DOCK10: variants seen among roughly 807,000 people sequenced by gnomAD.
The protein encoded by DOCK10 is dedicator of cytokinesis 10, also known as dedicator of cytokinesis protein 10.
DOCK10 carries 145 observed loss-of-function variants against 280.1 expected under a neutral mutation model. The ratio of observed to expected loss-of-function variants is 0.52; its 90% confidence interval spans 0.45 to 0.59. The LOEUF (loss-of-function observed/expected upper bound fraction) is 0.59, where lower values mean the gene tolerates loss of function less well. Among genes scored for constraint, DOCK10 ranks in the 20% least tolerant of loss-of-function variants. The pLI is 0.00. For missense variants in DOCK10, 2,368 were observed against 2,651.7 expected (o/e 0.89, Z 2.35); for synonymous variants, 915 against 942.2 (o/e 0.97, Z 0.53).
At chr2:224,832,102 C>T (rs891666187) in intron 26 of DOCK10, among the ~76,000 whole-genome samples, 2 of 152,142 alleles carry the variant, frequency 1.3e-5, no homozygotes, top group Non-Finnish European at 2.9e-5. Flanking sequence ...AAGAACGCAC[C>T]CCTTGCATCC....
chr2:224,973,197 A>G (rs1305788129), intron 1 of DOCK10, among the ~76,000 whole-genome samples: 1 of 152,218 alleles, frequency 6.6e-6, no homozygotes, highest in Non-Finnish European at 1.5e-5. Flanking sequence ...GAATTCACTC[A>G]GTGAATCCTT....
At chr2:224,820,531 G>T (rs1694441666) in intron 28 of DOCK10, among the ~76,000 whole-genome samples, 1 of 152,204 alleles carries the variant, frequency 6.6e-6, no homozygotes. Context: ...TCCACAGCTG[G>T]TGTGGAGTGC....
chr2:224,776,914 G>T (rs908794036), intron 51 of DOCK10, among the ~76,000 whole-genome samples: 1 of 152,192 alleles, frequency 6.6e-6, no homozygotes, highest in Non-Finnish European at 1.5e-5. Context: ...CCTGCCCTGA[G>T]CTTTCCTTGT....
Position 224,808,024 on chromosome 2 carries a change from G to A in DOCK10, c.3472C>T (p.Leu1158Phe), listed in dbSNP as rs1364806616. Residue 1158 changes from leucine (L) to phenylalanine (F), a missense_variant, in exon 32 of 56, where the codon CTC (leucine) becomes TTC (phenylalanine). By Grantham distance (22) the Leu-to-Phe change is conservative. Coordinates refer to ENST00000258390, the MANE Select transcript of DOCK10 (RefSeq NM_014689.3). ...CRKHFLIGIL[L>F]REVGFALQED... ...TGCAGGGCAAAGCCAACTTCTCGGA[G>A]CAGAATTCCGATTAAGAAGTGTTTG... 6.2e-7 allele frequency: 1 copy of A among 1,612,762 alleles called. No individual in the cohort carries two copies. The highest frequency in any genetic ancestry group is 1.7e-5 in the Admixed American group (1 of 59,816).
At chr2:224,863,508 A>C (rs1697665491) in intron 13 of DOCK10, among the ~76,000 whole-genome samples, 1 of 152,050 alleles carries the variant, frequency 6.6e-6, no homozygotes, top group Non-Finnish European at 1.5e-5. Flanking sequence ...GCTGGAGTGC[A>C]GTGGCAGGAT....
At chr2:224,891,822 T>C (rs1440602031) in intron 4 of DOCK10, among the ~76,000 whole-genome samples, 1 of 152,210 alleles carries the variant, frequency 6.6e-6, no homozygotes, top group Non-Finnish European at 1.5e-5. Context: ...GTAGTGAATG[T>C]AAGCGTGCCA....
intron 15 of DOCK10, 54 bp downstream of exon 15, chr2:224,856,805 TA>T: frequency 1.3e-6 from 2 of 1,498,330 alleles, no homozygotes; most frequent in South Asian, 1.3e-5. Flanking sequence ...TATGAAGTGA[TA>T]AAAAATCAAC....
intron 28 of DOCK10, among the ~76,000 whole-genome samples, chr2:224,822,446 C>A (rs1288355790): frequency 6.6e-6 from 1 of 152,056 alleles, no homozygotes; most frequent in African/African-American, 2.4e-5. Context: ...ATGTAAAAAA[C>A]AGCGTGGGTC....
chr2:224,852,631 A>G (rs902706956), intron 17 of DOCK10, among the ~76,000 whole-genome samples, 189 bp from the exon 18 acceptor site: 4 of 152,338 alleles, frequency 2.6e-5, no homozygotes, highest in Middle Eastern at 3.4e-3. Context: ...AAGGGAAGTA[A>G]AAAGCTCATA....
intron 3 of DOCK10, among the ~76,000 whole-genome samples, chr2:224,906,536 T>C (rs1700649244): frequency 6.6e-6 from 1 of 152,304 alleles, no homozygotes; most frequent in East Asian, 1.9e-4. Context: ...TGGAGTGCAG[T>C]AGTGTGATCT....
chr2:224,806,121 A>G lies in DOCK10; in HGVS notation c.3814+5T>C. 2 of 1,544,540 alleles carry G rather than the reference A, an allele frequency of 1.3e-6. No homozygotes were observed. The highest frequency in any genetic ancestry group is 1.8e-6 in the Non-Finnish European group (2 of 1,121,968). On this transcript the variant is annotated splice_donor_5th_base_variant and intron_variant, in intron 34 of 55. Coordinates refer to ENST00000258390, the MANE Select transcript of DOCK10 (RefSeq NM_014689.3). ...AAATAAGTGTTCTCAGAAGATCTCA[A>G]GTACCTGCTATGGAATTTAAAACAT... is the stretch of plus-strand genomic sequence containing the variant.
Position 224,793,401 on chromosome 2 carries a change from C to T in DOCK10, c.5211G>A (p.Lys1737=). The T allele has an allele frequency of 6.2e-7, 1 of 1,612,866 alleles. No individual in the cohort carries two copies. The highest frequency in any genetic ancestry group is 1.1e-5 in the South Asian group (1 of 90,884). ...GCCTCCCTCATGTGGTCATCTTACCCTTTCTTTTCAGATACTCTGCAATGA... is the reference window on the plus strand; with the variant it reads ...GCCTCCCTCATGTGGTCATCTTACCTTTTCTTTTCAGATACTCTGCAATGA... ...AALIAEYLKR[K]GYWKVEKICT... The change falls in exon 46 of 56, where the codon AAG becomes AAA. Residue 1737 remains lysine (K), a splice_region_variant and synonymous_variant. Transcript: ENST00000258390.
At chr2:224,838,278 A>T (rs1193203724) in intron 24 of DOCK10, among the ~76,000 whole-genome samples, 1 of 152,254 alleles carries the variant, frequency 6.6e-6, no homozygotes, top group African/African-American at 2.4e-5. Context: ...GGCACTATAT[A>T]TGCTTTTGGA....
chr2:224,809,227 A>T (rs563511770), intron 31 of DOCK10, among the ~76,000 whole-genome samples: 64 of 152,220 alleles, frequency 4.2e-4, no homozygotes, highest in Non-Finnish European at 7.3e-4. Flanking sequence ...AACCATTAAT[A>T]GTAGTACTTG....
chr2:224,950,550 A>G (rs1244253481), intron 1 of DOCK10, among the ~76,000 whole-genome samples: 1 of 152,190 alleles, frequency 6.6e-6, no homozygotes, highest in Non-Finnish European at 1.5e-5. Flanking sequence ...CAAAGATGCC[A>G]GGTTTCTGAC....
chr2:224,900,840 TAAC>T (rs1700257348), intron 3 of DOCK10, among the ~76,000 whole-genome samples: 1 of 152,220 alleles, frequency 6.6e-6, no homozygotes, highest in Non-Finnish European at 1.5e-5. Context: ...CAGTTAATAA[TAAC>T]AATTTATATT....
At chr2:224,853,641 C>T (rs532302007) in intron 16 of DOCK10, among the ~76,000 whole-genome samples, 8 of 152,282 alleles carry the variant, frequency 5.3e-5, no homozygotes, top group South Asian at 4.1e-4. Flanking sequence ...TCAGTAGATA[C>T]GGTTTATTTA....
intron 26 of DOCK10, among the ~76,000 whole-genome samples, chr2:224,831,291 A>C (rs1013223911): frequency 1.3e-5 from 2 of 152,182 alleles, no homozygotes; most frequent in Non-Finnish European, 2.9e-5. Context: ...GTTAGAGGTA[A>C]GGGTGAAAAT....
At chr2:224,953,394 G>T (rs1430602558) in intron 1 of DOCK10, among the ~76,000 whole-genome samples, 2 of 152,174 alleles carry the variant, frequency 1.3e-5, no homozygotes, top group Non-Finnish European at 2.9e-5. Context: ...ACTGGTCCAT[G>T]GTGCATCTGC....
Sources: allele counts gnomAD v4.1 joint callset (sites outside exome capture counted in the v4.1 genomes callset), GRCh38; gene constraint gnomAD v4.1.1; transcripts MANE v1.5; gene names NCBI Gene and HGNC (gene_info 2026-07-23, HGNC 2026-07-21).